MAPK6: variants seen among roughly 807,000 people sequenced by gnomAD.
The protein encoded by MAPK6 is mitogen-activated protein kinase 6.
A neutral mutation model predicts 59.3 loss-of-function variants in MAPK6; 19 were observed. The ratio of observed to expected loss-of-function variants is 0.32; its 90% CI spans 0.22 to 0.47. MAPK6 has a LOEUF of 0.47. Ranked by LOEUF, MAPK6 falls within the 20% of genes least tolerant of loss-of-function variation. The probability of loss-of-function intolerance (pLI) is 1.00; values close to 1 mark genes in which losing one functional copy is unlikely to be tolerated. For synonymous variants in MAPK6, 316 were observed against 290.3 expected (o/e 1.09, Z -0.90); for missense variants, 724 against 847.9 (o/e 0.85, Z 1.81).
chr15:52,010,061 G>A (rs1235124521), intron 3 of MAPK6, among the ~76,000 whole-genome samples: 2 of 151,986 alleles, frequency 1.3e-5, no homozygotes, highest in African/African-American at 4.8e-5. Flanking sequence ...GTGAGTCACC[G>A]TGCCTGGCCT....
intron 2 of MAPK6, among the ~76,000 whole-genome samples, chr15:52,048,933 G>A (rs2031685921): frequency 7.9e-6 from 1 of 126,408 alleles, no homozygotes; most frequent in Non-Finnish European, 1.8e-5. Flanking sequence ...CCACAGTGAA[G>A]TATTGTGGAT....
At chr15:52,028,447 C>G (rs2030897979) in intron 1 of MAPK6, among the ~76,000 whole-genome samples, 1 of 152,138 alleles carries the variant, frequency 6.6e-6, no homozygotes, top group South Asian at 2.1e-4. Flanking sequence ...TTTTCCCTTT[C>G]TGGATTATCT....
intron 3 of MAPK6, among the ~76,000 whole-genome samples, chr15:52,052,427 T>C (rs967299770): frequency 1.3e-5 from 2 of 152,224 alleles, no homozygotes; most frequent in African/African-American, 4.8e-5. Flanking sequence ...AATTCACATA[T>C]CATACAATTT....
At chr15:51,994,329 G>A (rs186573567) in intron 2 of MAPK6, among the ~76,000 whole-genome samples, 7 of 152,202 alleles carry the variant, frequency 4.6e-5, no homozygotes, top group African/African-American at 1.4e-4. Context: ...GCTGATTCCC[G>A]GGCTGAGGCA....
intron 1 of MAPK6, among the ~76,000 whole-genome samples, chr15:51,979,167 GGAAA>G (rs1379471030): frequency 3.5e-5 from 5 of 143,496 alleles, no homozygotes; most frequent in East Asian, 2.0e-4. Context: ...AGAGAAGGAA[GGAAA>G]GGAAGGAAGG....
intron 3 of MAPK6, among the ~76,000 whole-genome samples, chr15:52,012,852 T>C (rs943395351): frequency 6.6e-6 from 1 of 151,008 alleles, no homozygotes; most frequent in Non-Finnish European, 1.5e-5. Context: ...CCGGGCGTGG[T>C]GGTGGGTGCC....
intron 4 of MAPK6, among the ~76,000 whole-genome samples, chr15:52,060,889 G>C (rs937232513): frequency 1.3e-5 from 2 of 152,166 alleles, no homozygotes; most frequent in African/African-American, 4.8e-5. Flanking sequence ...AAATATCTAT[G>C]TCTACTTTAT....
intron 3 of MAPK6, among the ~76,000 whole-genome samples, chr15:52,053,912 C>T (rs1374955217): frequency 6.6e-6 from 1 of 151,614 alleles, no homozygotes; most frequent in Non-Finnish European, 1.5e-5. Flanking sequence ...GCTGGGATTA[C>T]AGGTGTGAGC....
At chr15:52,040,852 A>G (rs2031397319) in intron 1 of MAPK6, among the ~76,000 whole-genome samples, 1 of 152,222 alleles carries the variant, frequency 6.6e-6, no homozygotes, top group Non-Finnish European at 1.5e-5. Flanking sequence ...ATTCCATGAC[A>G]TGGTAGATCA....
At chr15:51,975,253 A>T (rs1239172651) in intron 1 of MAPK6, among the ~76,000 whole-genome samples, 1 of 151,792 alleles carries the variant, frequency 6.6e-6, no homozygotes, top group Non-Finnish European at 1.5e-5. Flanking sequence ...TCAAAAAAAT[A>T]CTCAACAGGC....
At chr15:51,992,478 T>C (rs1445405039) in intron 2 of MAPK6, among the ~76,000 whole-genome samples, 1 of 151,176 alleles carries the variant, frequency 6.6e-6, no homozygotes, top group Non-Finnish European at 1.5e-5. Context: ...ATTTTTTGCA[T>C]TTTTTTTAGT....
At chr15:51,977,942 G>T (rs1465705196) in intron 1 of MAPK6, among the ~76,000 whole-genome samples, 4 of 151,796 alleles carry the variant, frequency 2.6e-5, no homozygotes, top group African/African-American at 7.2e-5. Context: ...ATAAATGGGT[G>T]CTGTGGCATA....
chr15:52,036,298 C>A (rs1248542254), intron 1 of MAPK6, among the ~76,000 whole-genome samples: 1 of 152,198 alleles, frequency 6.6e-6, no homozygotes, highest in Non-Finnish European at 1.5e-5. Context: ...GATCTTTAAA[C>A]TTATGGTTTA....
In MAPK6 at chr15:52,058,758, A is replaced by C; in HGVS notation, c.826A>C (p.Lys276Gln). The C allele has an allele frequency of 6.2e-7, 1 of 1,613,328 alleles. No individual in the cohort carries two copies. ...TAGAAATGACATGACTGAGCCACAC[A>C]AACCTTTAACTCAGCTGCTTCCAGG... ...YIRNDMTEPHKPLTQLLPGIS... is the reference protein window; with the variant it reads ...YIRNDMTEPHQPLTQLLPGIS... Residue 276 changes from lysine (K) to glutamine (Q), a missense_variant, in exon 4 of 6, where the codon AAA becomes CAA. Coordinates refer to ENST00000261845, the MANE Select transcript of MAPK6 (RefSeq NM_002748.4).
In MAPK6 at chr15:52,064,599, T is replaced by C. The variant is rs1417471855; in HGVS notation, c.1765T>C (p.Tyr589His). The C allele has an allele frequency of 6.2e-7, 1 of 1,611,918 alleles. No homozygotes were observed. The change falls in exon 6 of 6, where the codon TAC becomes CAC. Residue 589 changes from tyrosine (Y) to histidine (H), a missense_variant. Transcript: ENST00000261845. Reference protein sequence around the residue: ...MANLAQLEALYQSSWDSQFVS... With the variant: ...MANLAQLEALHQSSWDSQFVS... Reference sequence around the variant, plus strand: ...AAATCTGGCTCAATTAGAAGCCTTGTACCAGTCTTCTTGGGACAGCCAGTT... The same window carrying C: ...AAATCTGGCTCAATTAGAAGCCTTGCACCAGTCTTCTTGGGACAGCCAGTT...
At chr15:52,039,686 T>G (rs1288880329) in intron 1 of MAPK6, among the ~76,000 whole-genome samples, 2 of 151,834 alleles carry the variant, frequency 1.3e-5, no homozygotes, top group Non-Finnish European at 2.9e-5. Flanking sequence ...TGGCTAGTTT[T>G]TGTATTGTTA....
chr15:52,025,189 C>G (rs959257697), intron 1 of MAPK6, among the ~76,000 whole-genome samples: 1 of 151,910 alleles, frequency 6.6e-6, no homozygotes, highest in African/African-American at 2.4e-5. Context: ...TGCAGTGAGC[C>G]GTGATCGCAC....
At chr15:51,998,989 C>CTT (rs34070476) in intron 2 of MAPK6, among the ~76,000 whole-genome samples, 3 of 139,004 alleles carry the variant, frequency 2.2e-5, no homozygotes, top group East Asian at 2.1e-4. Flanking sequence ...CGCGCCCGGC[C>CTT]TTTTTTTTTT....
intron 3 of MAPK6, among the ~76,000 whole-genome samples, chr15:52,005,111 G>C (rs547369752): frequency 6.6e-6 from 1 of 152,280 alleles, no homozygotes; most frequent in South Asian, 2.1e-4. Context: ...ATTAAACACT[G>C]AGGAAACAAA....
Sources: gnomAD v4.1 joint callset for allele counts (sites outside exome capture counted in the v4.1 genomes callset) on GRCh38, gnomAD v4.1.1 for gene constraint, MANE v1.5 for transcripts, NCBI Gene and HGNC (gene_info 2026-07-23, HGNC 2026-07-21) for gene names.